The following COL23A1 variants were observed in gnomAD, a reference collection of about 807,000 sequenced individuals.
The protein encoded by COL23A1 is collagen type XXIII alpha 1 chain.
COL23A1 carries 97 observed loss-of-function variants against 99.3 expected under a neutral mutation model. The ratio of observed to expected loss-of-function variants is 0.98; its 90% CI spans 0.83 to 1.16. The LOEUF is 1.16. Among genes scored for constraint, COL23A1 ranks in the 50% most tolerant of loss-of-function variants. The pLI is 0.00. For synonymous variants in COL23A1, 320 were observed against 308.2 expected, an observed-to-expected ratio of 1.04 and a Z score of -0.40; for missense variants, 762 against 757.4, an observed-to-expected ratio of 1.01 and a Z score of -0.07.
intron 1 of COL23A1, among the ~76,000 whole-genome samples, chr5:178,580,659 C>T (rs79638970): frequency 6.6e-6 from 1 of 152,180 alleles, no homozygotes; most frequent in Non-Finnish European, 1.5e-5. Context: ...GAATTACATT[C>T]GTTCACATAA....
chr5:178,392,063 C>T (rs4357053), intron 2 of COL23A1, among the ~76,000 whole-genome samples: 75,146 of 150,872 alleles, frequency 0.5, 19,156 homozygotes, highest in South Asian at 0.6. Flanking sequence ...GTGGTTGCTG[C>T]GGGCTGGGGG....
chr5:178,507,817 C>T (rs576681153), intron 2 of COL23A1, among the ~76,000 whole-genome samples: 3 of 152,106 alleles, frequency 2.0e-5, no homozygotes, highest in Non-Finnish European at 4.4e-5. Context: ...TTTTGTTTAT[C>T]GTATTTTGGA....
At chr5:178,562,255 A>G (rs1039351182) in intron 1 of COL23A1, 1 of 340,694 alleles carries the variant, frequency 2.9e-6, no homozygotes, top group Non-Finnish European at 5.8e-6. Flanking sequence ...AAAAGAAAAA[A>G]AAAAAAAAAA....
rs1765294854 is a variant in COL23A1 at position 178,256,312 on chromosome 5, G to C, written c.882+41C>G. On this transcript the variant is annotated intron_variant, in intron 15 of 28. Transcript: ENST00000390654. ...GGCTTCTGAAGCTATGGGGCCCCTA[G>C]ATCTCATCCCTGAGGCCTCGCCTGA... The C allele has an allele frequency of 3.3e-6, 5 of 1,532,808 alleles. No individual in the cohort carries two copies. The East Asian group carries it at 1.1e-4, about 35-fold the overall frequency. The allele number at this position is 1,532,808 out of a possible 1,614,324, so 95.0% of individuals were successfully genotyped here. A position where few individuals can be genotyped will look rare whatever the true frequency, so the allele number is the denominator to read the frequency against.
intron 2 of COL23A1, among the ~76,000 whole-genome samples, chr5:178,545,239 C>T (rs1192753499): frequency 6.6e-6 from 1 of 152,202 alleles, no homozygotes; most frequent in Non-Finnish European, 1.5e-5. Flanking sequence ...GGGCTATGCC[C>T]TCCTCTTGAG....
In COL23A1 at chr5:178,524,430, C is replaced by A. The variant is rs1162764387; in HGVS notation, c.361+36252G>T. ...CAGCAGAGCCTGGTGGTGGGGTCAG[C>A]CCATCCCAAGATACATAGCTTGGGA... On this transcript the variant is annotated intron_variant, in intron 2 of 28. Coordinates refer to ENST00000390654, the MANE Select transcript of COL23A1 (RefSeq NM_173465.4). Among the ~76,000 whole-genome samples, 3 of 152,188 alleles carry A rather than the reference C, an allele frequency of 2.0e-5. No individual in the cohort carries two copies. The East Asian group carries it at 5.8e-4, about 29-fold the overall frequency.
In COL23A1 at chr5:178,585,876, A is replaced by G. The variant is rs535800322; in HGVS notation, c.294+4028T>C. Among the ~76,000 whole-genome samples, 9 of 152,324 alleles carry G rather than the reference A, an allele frequency of 5.9e-5. No individual in the cohort carries two copies. In the South Asian group the frequency reaches 1.2e-3, roughly 21 times the overall value. On this transcript the variant is annotated intron_variant, in intron 1 of 28. Transcript: ENST00000390654. ...GGCCAAAGCCTCCTATGGCGATCGC[A>G]TTACCCTTGCCAGTGAAGGGGATGG...
At chr5:178,420,054 A>G (rs1408318481) in intron 2 of COL23A1, among the ~76,000 whole-genome samples, 1 of 152,166 alleles carries the variant, frequency 6.6e-6, no homozygotes. Context: ...TTTCTCAAGT[A>G]AACTCCATCA....
At chr5:178,427,349 A>C (rs779493088) in intron 2 of COL23A1, among the ~76,000 whole-genome samples, 47 of 152,222 alleles carry the variant, frequency 3.1e-4, no homozygotes, top group Non-Finnish European at 4.4e-4. Flanking sequence ...GCCCTTTGGA[A>C]TACAGCTTAG....
intron 2 of COL23A1, among the ~76,000 whole-genome samples, chr5:178,450,467 G>A (rs1221551620): frequency 2.0e-5 from 3 of 152,160 alleles, no homozygotes; most frequent in Non-Finnish European, 4.4e-5. Flanking sequence ...GCCAGCGGGG[G>A]CCAGGAGAGG....
At chr5:178,563,526 CTTTTTTTTTTTTTT>C (rs779487808) in intron 1 of COL23A1, among the ~76,000 whole-genome samples, 1 of 83,230 alleles carries the variant, frequency 1.2e-5, no homozygotes, top group African/African-American at 5.1e-5. Flanking sequence ...TCAGAACTCA[CTTTTTTTTTTTTTT>C]TTTTTTTTTG....
intron 2 of COL23A1, among the ~76,000 whole-genome samples, chr5:178,529,496 T>C (rs1474617222): frequency 1.3e-5 from 2 of 152,230 alleles, no homozygotes; most frequent in African/African-American, 4.8e-5. Context: ...CACCCAGTGA[T>C]GCCTGAAGTG....
rs1381425807 is a variant in COL23A1 at position 178,515,706 on chromosome 5, C to T, written c.361+44976G>A. ...TAGGTCTACATCTGTCCCGGCTCTG[C>T]GGCTACAGAGCCCTCAGCTTCCTGC... On this transcript the variant is annotated intron_variant, in intron 2 of 28. Transcript: ENST00000390654. 2.6e-5 allele frequency among the ~76,000 whole-genome samples: 4 copies of T among 152,276 alleles called. No homozygotes were observed. In the East Asian group the frequency reaches 5.8e-4, roughly 22 times the overall value.
At chr5:178,536,304 G>T (rs1760957514) in intron 2 of COL23A1, among the ~76,000 whole-genome samples, 1 of 152,276 alleles carries the variant, frequency 6.6e-6, no homozygotes, top group African/African-American at 2.4e-5. Context: ...CACCCTGACA[G>T]ACCAGGGGAT....
chr5:178,348,948 C>T (rs1433719754), intron 2 of COL23A1, among the ~76,000 whole-genome samples: 2 of 152,182 alleles, frequency 1.3e-5, no homozygotes, highest in Non-Finnish European at 2.9e-5. Context: ...ACAGGCCGAC[C>T]CCCAAATCCC....
At chr5:178,549,406 AAATAT>A (rs1761888140) in intron 2 of COL23A1, among the ~76,000 whole-genome samples, 3 of 152,250 alleles carry the variant, frequency 2.0e-5, no homozygotes, top group Admixed American at 2.0e-4. Flanking sequence ...ATATTTAATA[AAATAT>A]AATATACAGA....
chr5:178,369,284 C>T (rs1386354565), intron 2 of COL23A1, among the ~76,000 whole-genome samples: 1 of 152,170 alleles, frequency 6.6e-6, no homozygotes, highest in Non-Finnish European at 1.5e-5. Flanking sequence ...CCCACACCAC[C>T]CTCCTGTCCT....
intron 2 of COL23A1, among the ~76,000 whole-genome samples, chr5:178,349,209 A>G (rs1244863026): frequency 6.6e-6 from 1 of 152,056 alleles, no homozygotes; most frequent in African/African-American, 2.4e-5. Flanking sequence ...TTTCCCCCCA[A>G]GGTAAAAACC....
chr5:178,276,102 TG>T (rs1347596291), intron 5 of COL23A1, among the ~76,000 whole-genome samples: 5 of 152,182 alleles, frequency 3.3e-5, no homozygotes, highest in African/African-American at 4.8e-5. Flanking sequence ...ATTCGGGATG[TG>T]GAGTATGGTG....
Sources: allele counts gnomAD v4.1 joint callset (sites outside exome capture counted in the v4.1 genomes callset), GRCh38; gene constraint gnomAD v4.1.1; transcripts MANE v1.5; gene names NCBI Gene and HGNC (gene_info 2026-07-23, HGNC 2026-07-21).